PSMD7: variants seen among roughly 807,000 people sequenced by gnomAD.
PSMD7 encodes the protein proteasome 26S subunit, non-ATPase 7, also known as 26S proteasome non-ATPase regulatory subunit 7.
A neutral mutation model predicts 36.4 loss-of-function variants in PSMD7; 13 were observed. That is an observed-to-expected ratio of 0.36 (90% CI 0.23 to 0.57). PSMD7 has a LOEUF of 0.57. PSMD7 is among the 20% of genes least tolerant of loss of function. The probability of loss-of-function intolerance (pLI) is 0.83; values close to 1 mark genes in which losing one functional copy is unlikely to be tolerated. For synonymous variants in PSMD7, 186 were observed against 151.0 expected, an observed-to-expected ratio of 1.23 and a Z score of -1.70; for missense variants, 298 against 393.6, an observed-to-expected ratio of 0.76 and a Z score of 2.06.
chr16:74,297,097 C>T (rs1009609885), intron 1 of PSMD7, 109 bp downstream of exon 1: 3 of 1,185,284 alleles, frequency 2.5e-6, no homozygotes, highest in African/African-American at 3.0e-5. Flanking sequence ...GATAGGGCGG[C>T]TGGTGACCCT....
intron 6 of PSMD7, chr16:74,304,650 G>C (rs963228060): frequency 1.1e-5 from 4 of 356,870 alleles, no homozygotes; most frequent in African/African-American, 8.3e-5. Context: ...ACCTTGTCTG[G>C]AAACTATAAT....
At chr16:74,300,018 G>A (rs1567525267) in intron 1 of PSMD7, 97 bp from the exon 2 acceptor site, 4 of 1,074,826 alleles carry the variant, frequency 3.7e-6, no homozygotes, top group East Asian at 4.9e-5. Context: ...AAACTAAATT[G>A]TATCTGTGCC....
In PSMD7 at chr16:74,296,883, G is replaced by A. The variant is rs548687771; in HGVS notation, c.-32G>A. The A allele has an allele frequency of 2.1e-5, 34 of 1,610,674 alleles. No individual in the cohort carries two copies. In the South Asian group the frequency reaches 3.8e-4, roughly 18 times the overall value. The stretch of plus-strand genomic sequence containing the variant: ...TGCTGCCGGTGTTTGCGTGTGGCAG[G>A]GAGCCAGGCCTGGCGAGCGGGGTGT... On this transcript the variant is annotated 5_prime_UTR_variant, in exon 1 of 7. Coordinates refer to ENST00000219313, the MANE Select transcript of PSMD7 (RefSeq NM_002811.5).
At position 74,301,358 on chromosome 16, in the gene PSMD7, CCT is replaced by C. The variant is rs376711005; in HGVS notation, c.260-193_260-192del. Among the ~76,000 whole-genome samples, 138 of 152,216 alleles carry C rather than the reference CCT, an allele frequency of 9.1e-4. 1 individual carries two copies. The East Asian group carries it at 0.021, about 23-fold the overall frequency. On this transcript the variant is annotated intron_variant, in intron 3 of 6. Transcript: ENST00000219313. ...TGGGTTTGGGTACAAGGGGAAATAA[CCT>C]CTCATTGCGGCAGAAAAGTGAAGAA...
chr16:74,299,736 A>G (rs1456820649), intron 1 of PSMD7: 5 of 330,848 alleles, frequency 1.5e-5, no homozygotes, highest in Admixed American at 1.2e-4. Flanking sequence ...AGGATGGGAA[A>G]AGTTTAAAGG....
At chr16:74,299,175 T>C (rs752721989) in intron 1 of PSMD7, among the ~76,000 whole-genome samples, 6 of 152,276 alleles carry the variant, frequency 3.9e-5, no homozygotes, top group African/African-American at 7.2e-5. Context: ...GAAAATGTAA[T>C]TAACAGTGGC....
At chr16:74,305,010 AT>A (rs921855280) in intron 6 of PSMD7, 94 of 363,296 alleles carry the variant, frequency 2.6e-4, no homozygotes, top group South Asian at 3.8e-4. Context: ...GACCTAAGCA[AT>A]TTTTTTTTCC....
At chr16:74,297,720 C>T (rs1386920051) in intron 1 of PSMD7, among the ~76,000 whole-genome samples, 1 of 150,910 alleles carries the variant, frequency 6.6e-6, no homozygotes, top group Non-Finnish European at 1.5e-5. Context: ...TTGATTTCAC[C>T]GAAATGTGAA....
chr16:74,303,859 T>A (rs1166425696), intron 5 of PSMD7: 2 of 155,344 alleles, frequency 1.3e-5, no homozygotes, highest in African/African-American at 4.8e-5. Flanking sequence ...GTAGCTGGGA[T>A]TACAGGCGCC....
chr16:74,304,098 C>T (rs1386038620), intron 5 of PSMD7: 1 of 499,520 alleles, frequency 2.0e-6, no homozygotes, highest in Non-Finnish European at 3.7e-6. Flanking sequence ...CCCCAGCAGA[C>T]TGCATCACTG....
intron 2 of PSMD7, chr16:74,300,514 C>T (rs1431011216): frequency 2.6e-6 from 1 of 390,630 alleles, no homozygotes; most frequent in Non-Finnish European, 4.7e-6. Flanking sequence ...GCAGCTGGCA[C>T]AGTTTGTCAG....
intron 1 of PSMD7, chr16:74,299,550 C>A: frequency 2.2e-6 from 1 of 455,458 alleles, no homozygotes; most frequent in South Asian, 1.6e-5. Flanking sequence ...CTATGCCCGG[C>A]TAAGTTTTGT....
At chr16:74,302,388 T>C in intron 5 of PSMD7, 96 bp downstream of exon 5, 2 of 997,710 alleles carry the variant, frequency 2.0e-6, no homozygotes, top group South Asian at 1.5e-5. Context: ...ATCCTTTGTC[T>C]CCGTAACAAA....
Position 74,305,660 on chromosome 16 carries a change from AAG to A in PSMD7, c.905_906del (p.Glu302GlyfsTer6). 3.9e-6 allele frequency: 6 copies of A among 1,550,564 alleles called. No homozygotes were observed. The highest frequency in any genetic ancestry group is 4.4e-6 in the Non-Finnish European group (5 of 1,146,018). On this transcript the variant is annotated frameshift_variant, in exon 7 of 7. Transcript: ENST00000219313. LOFTEE classifies it high-confidence loss of function. Reference sequence around the variant, plus strand: ...AAAGAAGAGAGCAAAAAGGATAGGAAAGAGGACAAGGAGAAAGATAAAGATAA... The same window carrying A: ...AAAGAAGAGAGCAAAAAGGATAGGAAAGGACAAGGAGAAAGATAAAGATAA...
intron 5 of PSMD7, among the ~76,000 whole-genome samples, chr16:74,303,748 A>G (rs771476218): frequency 1.3e-4 from 20 of 151,420 alleles, no homozygotes; most frequent in South Asian, 2.1e-4. Flanking sequence ...TTTTAAGACA[A>G]TCTCACTCTG....
chr16:74,300,311 C>A, intron 2 of PSMD7, 105 bp downstream of exon 2: 1 of 1,006,280 alleles, frequency 9.9e-7, no homozygotes. Flanking sequence ...CAGAGATTGT[C>A]TTAAAATTGC....
At chr16:74,298,618 T>G (rs1383399703) in intron 1 of PSMD7, among the ~76,000 whole-genome samples, 1 of 152,198 alleles carries the variant, frequency 6.6e-6, no homozygotes, top group Non-Finnish European at 1.5e-5. Flanking sequence ...ATCCTAGCAC[T>G]TTCGGAGACC....
At position 74,305,715 on chromosome 16, in the gene PSMD7, G is replaced by A. The variant is rs3208888; in HGVS notation, c.957G>A (p.Glu319=). 53 of 1,420,228 alleles carry A rather than the reference G, an allele frequency of 3.7e-5. No individual in the cohort carries two copies. The Admixed American group carries it at 1.6e-3, about 42-fold the overall frequency. The allele number at this position is 1,420,228 out of a possible 1,614,324, so 88.0% of individuals were successfully genotyped here. Reference sequence around the variant, plus strand: ...AAAAGAGTGATGTAAAGAAAGAGGAGAAAAAGGAGAAAAAGTAAAACATGT... The same window carrying A: ...AAAAGAGTGATGTAAAGAAAGAGGAAAAAAAGGAGAAAAAGTAAAACATGT... ...DKEKSDVKKE[E]KKEKK is the part of the protein sequence containing the mutation. The change falls in exon 7 of 7, where the codon GAG becomes GAA. Residue 319 remains glutamate, a synonymous_variant. Transcript: ENST00000219313.
chr16:74,300,330 A>G (rs2034146019), intron 2 of PSMD7, 124 bp downstream of exon 2: 9 of 880,058 alleles, frequency 1.0e-5, no homozygotes, highest in Non-Finnish European at 1.6e-5. Flanking sequence ...GCTGAAGTAT[A>G]GAAAAGAGAA....
Sources: gnomAD v4.1 joint callset for allele counts (sites outside exome capture counted in the v4.1 genomes callset) on GRCh38, gnomAD v4.1.1 for gene constraint, MANE v1.5 for transcripts, NCBI Gene and HGNC (gene_info 2026-07-23, HGNC 2026-07-21) for gene names.